Variants in CAPN3 observed in about 807,000 individuals in gnomAD.
CAPN3 encodes calpain 3.
CAPN3 carries 88 observed loss-of-function variants against 114.0 expected under a neutral mutation model. That is an observed-to-expected ratio of 0.77 (90% confidence interval 0.65 to 0.92). CAPN3 has a LOEUF of 0.92. CAPN3 is among the 40% of genes least tolerant of loss of function. The pLI, the probability that CAPN3 is intolerant of heterozygous loss-of-function variation, is 0.00. For synonymous variants in CAPN3, 386 were observed against 382.9 expected (o/e 1.01, Z -0.09); for missense variants, 1,028 against 1,069.0 (o/e 0.96, Z 0.53).
At chr15:42,364,110 T>C (rs1418248494) in intron 1 of CAPN3, among the ~76,000 whole-genome samples, 1 of 152,182 alleles carries the variant, frequency 6.6e-6, no homozygotes, top group Non-Finnish European at 1.5e-5. Flanking sequence ...CCCCAGGGGT[T>C]GCCCCTGAAA....
chr15:42,367,960 T>C (rs2052832023), intron 1 of CAPN3, among the ~76,000 whole-genome samples: 1 of 152,220 alleles, frequency 6.6e-6, no homozygotes, highest in African/African-American at 2.4e-5. Flanking sequence ...TTTTGAATCA[T>C]GTCATCCCTC....
In CAPN3 at chr15:42,384,563, G is replaced by A. The variant is rs371195831; in HGVS notation, c.379+11G>A. The A allele has an allele frequency of 1.4e-5, 22 of 1,601,962 alleles. No homozygotes were observed. Among genetic ancestry groups the A allele is most frequent in the Non-Finnish European group, 1.8e-5 (21 of 1,169,040 alleles). On this transcript the variant is annotated intron_variant, in intron 2 of 23. Coordinates refer to ENST00000397163, the MANE Select transcript of CAPN3 (RefSeq NM_000070.3). ...GTCAAGGAGAGCTAGGTAGGAAAGT[G>A]CCTCAGGTCAGATCCTGCCAGATGA...
chr15:42,389,235 T>G, intron 5 of CAPN3, 139 bp downstream of exon 5: 1 of 779,110 alleles, frequency 1.3e-6, no homozygotes. Flanking sequence ...CTCTCAACTT[T>G]GAGGACTGGG....
intron 1 of CAPN3, among the ~76,000 whole-genome samples, chr15:42,364,942 T>C (rs543843851): frequency 6.6e-6 from 1 of 152,330 alleles, no homozygotes; most frequent in East Asian, 1.9e-4. Flanking sequence ...TTGCAGGACC[T>C]TGTGATGAAA....
chr15:42,406,107 AACT>A (rs1215386458), intron 15 of CAPN3, among the ~76,000 whole-genome samples, 164 bp downstream of exon 15: 1 of 152,100 alleles, frequency 6.6e-6, no homozygotes, highest in Non-Finnish European at 1.5e-5. Context: ...CAGTAATGAC[AACT>A]ACGATTTGCT....
Position 42,405,033 on chromosome 15 carries a change from C to G in CAPN3, c.1783-893C>G, listed in dbSNP as rs2412711. The G allele has an allele frequency of 0.72, 706,087 of 985,444 alleles. 254,810 individuals carry two copies. The highest frequency in any genetic ancestry group is 0.94 in the African/African-American group (53,967 of 57,302). The allele number at this position is 985,444 out of a possible 1,614,324, so 61.0% of individuals were successfully genotyped here. On this transcript the variant is annotated intron_variant, in intron 14 of 23. Transcript: ENST00000397163. ...TGTCTGCAGTTCTCAATTGACATTT[C>G]GCTCCAGTGTCGAGGGTCAACAGGA... is the stretch of plus-strand genomic sequence containing the variant.
rs765446375 is a variant in CAPN3 at position 42,410,415 on chromosome 15, C to T, written c.2116-13C>T. The T allele has an allele frequency of 1.9e-6, 3 of 1,613,860 alleles. No homozygotes were observed. Among genetic ancestry groups the T allele is most frequent in the Non-Finnish European group, 2.5e-6 (3 of 1,179,810 alleles). On this transcript the variant is annotated splice_polypyrimidine_tract_variant and intron_variant, in intron 19 of 23. Coordinates refer to ENST00000397163, the MANE Select transcript of CAPN3 (RefSeq NM_000070.3). ...TTGCTGTGTGCTGTGTAGCCCTGAC[C>T]TCCCTCCTCCAGACAGATGGCTCTG... is the stretch of plus-strand genomic sequence containing the variant.
intron 2 of CAPN3, chr15:42,385,749 GGCTCAGTCTTC>G (rs2053384848): frequency 1.9e-6 from 1 of 522,868 alleles, no homozygotes; most frequent in African/African-American, 1.9e-5. Context: ...GGTTCTCTGA[GGCTCAGTCTTC>G]GCTGAAGTCA....
chr15:42,391,371 T>C (rs1443759317), intron 6 of CAPN3, among the ~76,000 whole-genome samples: 1 of 152,142 alleles, frequency 6.6e-6, no homozygotes, highest in African/African-American at 2.4e-5. Context: ...GCTTAGGTAA[T>C]GACAGAAGAG....
At chr15:42,373,103 G>A (rs1472629556) in intron 1 of CAPN3, among the ~76,000 whole-genome samples, 1 of 151,400 alleles carries the variant, frequency 6.6e-6, no homozygotes. Flanking sequence ...TGAGGCGGGA[G>A]AATTGCTTGA....
chr15:42,367,304 G>A (rs1374606322), intron 1 of CAPN3, among the ~76,000 whole-genome samples: 1 of 152,118 alleles, frequency 6.6e-6, no homozygotes, highest in Non-Finnish European at 1.5e-5. Context: ...GCTAGGAACC[G>A]GCTGAACTGT....
chr15:42,361,604 A>G (rs8026890), intron 1 of CAPN3, among the ~76,000 whole-genome samples: 5,780 of 152,070 alleles, frequency 0.038, 338 homozygotes, highest in African/African-American at 0.12. Context: ...AGATAACACT[A>G]CTCTGCTATC....
intron 15 of CAPN3, 100 bp downstream of exon 15, chr15:42,406,043 C>G (rs191475713): frequency 9.6e-7 from 1 of 1,036,324 alleles, no homozygotes; most frequent in East Asian, 2.4e-5. Context: ...ATCCATGCAC[C>G]AGACTTGCCT....
Position 42,402,148 on chromosome 15 carries a change from C to T in CAPN3, c.1536+13C>T. The stretch of plus-strand genomic sequence containing the variant: ...GGTTCCCAAAGAGGTATAGCAGCAG[C>T]AGCGGCCAGCAGTTGTGTGCAGCAC... On this transcript the variant is annotated intron_variant, in intron 12 of 23. Coordinates refer to ENST00000397163, the MANE Select transcript of CAPN3 (RefSeq NM_000070.3). 6.2e-7 allele frequency: 1 copy of T among 1,614,094 alleles called. No homozygotes were observed. The highest frequency in any genetic ancestry group is 8.5e-7 in the Non-Finnish European group (1 of 1,180,016).
At chr15:42,391,545 G>A (rs749886871) in intron 6 of CAPN3, among the ~76,000 whole-genome samples, 2 of 152,034 alleles carry the variant, frequency 1.3e-5, no homozygotes, top group African/African-American at 4.8e-5. Flanking sequence ...CATACCCCTC[G>A]CCCTGAAAAC....
chr15:42,387,270 A>G (rs2053430394), intron 3 of CAPN3, among the ~76,000 whole-genome samples: 2 of 152,246 alleles, frequency 1.3e-5, no homozygotes, highest in Admixed American at 1.3e-4. Context: ...TGCTACAGCT[A>G]GAATAGATTC....
At chr15:42,395,363 GATGTAGAA>G (rs2053662024) in intron 8 of CAPN3, among the ~76,000 whole-genome samples, 1 of 152,188 alleles carries the variant, frequency 6.6e-6, no homozygotes, top group Non-Finnish European at 1.5e-5. Flanking sequence ...CCCACCTGGG[GATGTAGAA>G]ATGTAGAAAT....
rs768374736 is a variant in CAPN3 at position 42,409,845 on chromosome 15, G to T, written c.2050+1G>T. 2 of 1,410,698 alleles carry T rather than the reference G, an allele frequency of 1.4e-6. No individual in the cohort carries two copies. The highest frequency in any genetic ancestry group is 1.9e-4 in the Middle Eastern group (1 of 5,316). The allele number at this position is 1,410,698 out of a possible 1,614,324, so 87.4% of individuals were successfully genotyped here. ...GTCCTTAACACAGTCGTGAACAAACGTGAGTTGCTCAAACCAAATGGGGGT... is the reference window on the plus strand; with the variant it reads ...GTCCTTAACACAGTCGTGAACAAACTTGAGTTGCTCAAACCAAATGGGGGT... On this transcript the variant is annotated splice_donor_variant, in intron 18 of 23. Transcript: ENST00000397163. LOFTEE classifies it high-confidence loss of function.
chr15:42,407,491 G>A (rs1566983397), intron 15 of CAPN3, among the ~76,000 whole-genome samples: 1 of 152,110 alleles, frequency 6.6e-6, no homozygotes, highest in Non-Finnish European at 1.5e-5. Flanking sequence ...ACCACACCCA[G>A]CTAATTTTTT....
Sources: gnomAD v4.1 joint callset for allele counts (sites outside exome capture counted in the v4.1 genomes callset) on GRCh38, gnomAD v4.1.1 for gene constraint, MANE v1.5 for transcripts, NCBI Gene and HGNC (gene_info 2026-07-23, HGNC 2026-07-21) for gene names.